The following MAGI2 variants were observed in gnomAD, a reference collection of about 807,000 sequenced individuals.
MAGI2 encodes the protein membrane-associated guanylate kinase, WW and PDZ domain-containing protein 2.
In MAGI2, 35 loss-of-function variants were observed where a neutral mutation model predicts 133.3. That is an observed-to-expected ratio of 0.26 (90% confidence interval 0.20 to 0.35). The LOEUF is 0.35. MAGI2 is among the 10% of genes least tolerant of loss of function. The pLI, the probability that MAGI2 is intolerant of heterozygous loss-of-function variation, is 1.00. For missense variants in MAGI2, 1,636 were observed against 1,863.4 expected (o/e 0.88, Z 2.25); for synonymous variants, 729 against 710.6 (o/e 1.03, Z -0.41).
At chr7:78,776,597 T>G (rs1022431721) in intron 2 of MAGI2, among the ~76,000 whole-genome samples, 1 of 152,264 alleles carries the variant, frequency 6.6e-6, no homozygotes, top group Non-Finnish European at 1.5e-5. Flanking sequence ...CCATGGAACA[T>G]TTCTGCACAT....
chr7:79,321,880 G>C (rs1020097792), intron 1 of MAGI2, among the ~76,000 whole-genome samples: 1 of 152,128 alleles, frequency 6.6e-6, no homozygotes, highest in Non-Finnish European at 1.5e-5. Context: ...CCAATTATCA[G>C]TGGAGACTGA....
intron 2 of MAGI2, among the ~76,000 whole-genome samples, chr7:78,886,507 A>G (rs1026738151): frequency 6.6e-6 from 1 of 152,180 alleles, no homozygotes; most frequent in Admixed American, 6.5e-5. Flanking sequence ...GTGCTGAGCC[A>G]TGTCTCCACA....
At chr7:78,923,448 G>A (rs961061692) in intron 2 of MAGI2, among the ~76,000 whole-genome samples, 6 of 152,104 alleles carry the variant, frequency 3.9e-5, no homozygotes, top group Non-Finnish European at 7.4e-5. Context: ...TATTAAATAG[G>A]GAATCCTTTC....
At chr7:78,113,584 T>C (rs1278664770) in intron 20 of MAGI2, among the ~76,000 whole-genome samples, 1 of 152,220 alleles carries the variant, frequency 6.6e-6, no homozygotes, top group Non-Finnish European at 1.5e-5. Context: ...CAGTATTCAG[T>C]ACAATAACAT....
Position 78,075,272 on chromosome 7 carries a change from G to C in MAGI2, c.3706+3675C>G, listed in dbSNP as rs146911652. The stretch of plus-strand genomic sequence containing the variant: ...GTGTTCTGGGTGACACCTTGTGTGA[G>C]AGAGACAGCATATGGAAGCCTGCAT... On this transcript the variant is annotated intron_variant, in intron 21 of 21. Transcript: ENST00000354212. Among the ~76,000 whole-genome samples, 26 of 152,188 alleles carry C rather than the reference G, an allele frequency of 1.7e-4. 1 individual carries two copies. In the East Asian group the frequency reaches 5.0e-3, roughly 29 times the overall value.
chr7:79,151,357 G>A (rs1276466116), intron 1 of MAGI2, among the ~76,000 whole-genome samples: 1 of 152,056 alleles, frequency 6.6e-6, no homozygotes, highest in Non-Finnish European at 1.5e-5. Flanking sequence ...CATATCTAAC[G>A]ATGGAGCCCT....
chr7:78,554,371 C>T (rs932892514), intron 3 of MAGI2, among the ~76,000 whole-genome samples: 1 of 152,156 alleles, frequency 6.6e-6, no homozygotes, highest in Non-Finnish European at 1.5e-5. Flanking sequence ...TATTTGTGAA[C>T]CTTACATAAA....
At chr7:78,523,102 G>A (rs1041273211) in intron 3 of MAGI2, among the ~76,000 whole-genome samples, 1 of 152,166 alleles carries the variant, frequency 6.6e-6, no homozygotes. Flanking sequence ...CTGGGTAAAA[G>A]GTGTGCTGTG....
intron 1 of MAGI2, among the ~76,000 whole-genome samples, chr7:79,241,756 A>G (rs1210899531): frequency 6.6e-6 from 1 of 152,142 alleles, no homozygotes; most frequent in Non-Finnish European, 1.5e-5. Flanking sequence ...AACTGATCCT[A>G]TAGATAACAT....
intron 21 of MAGI2, among the ~76,000 whole-genome samples, chr7:78,042,564 G>C (rs1013595095): frequency 3.5e-4 from 54 of 152,236 alleles, no homozygotes; most frequent in African/African-American, 1.2e-3. Flanking sequence ...CCCTGACCAA[G>C]CAGGTCACCT....
intron 10 of MAGI2, among the ~76,000 whole-genome samples, chr7:78,238,643 A>T (rs1790809140): frequency 1.3e-5 from 2 of 151,894 alleles, no homozygotes; most frequent in Admixed American, 6.6e-5. Flanking sequence ...TTCTTACCTC[A>T]TCCACTCCTA....
intron 2 of MAGI2, among the ~76,000 whole-genome samples, chr7:78,753,889 A>C (rs1198465988): frequency 6.9e-6 from 1 of 144,708 alleles, no homozygotes; most frequent in Non-Finnish European, 1.6e-5. Context: ...CGGGTGATAG[A>C]AAAAACTCTA....
At chr7:79,441,923 T>TA (rs1848521659) in intron 1 of MAGI2, among the ~76,000 whole-genome samples, 1 of 152,086 alleles carries the variant, frequency 6.6e-6, no homozygotes, top group Non-Finnish European at 1.5e-5. Context: ...TTTAAACCAA[T>TA]AAAAATGTAA....
intron 2 of MAGI2, among the ~76,000 whole-genome samples, chr7:78,875,522 T>C (rs73143070): frequency 0.063 from 9,567 of 152,310 alleles, 369 homozygotes; most frequent in Middle Eastern, 0.1. Flanking sequence ...GACTATCAGC[T>C]ACTGCATACC....
chr7:79,319,067 ATC>A (rs1563110950), intron 1 of MAGI2, among the ~76,000 whole-genome samples: 1 of 152,198 alleles, frequency 6.6e-6, no homozygotes, highest in East Asian at 1.9e-4. Context: ...ATCTATTGGT[ATC>A]TCAGCGTCTG....
At chr7:78,284,766 G>A (rs891630629) in intron 9 of MAGI2, among the ~76,000 whole-genome samples, 1 of 152,000 alleles carries the variant, frequency 6.6e-6, no homozygotes. Context: ...AGAATCAGCC[G>A]CTAGTGTGTC....
Position 78,876,132 on chromosome 7 carries a change from C to A in MAGI2, c.418+130958G>T, listed in dbSNP as rs372328454. Among the ~76,000 whole-genome samples, 3 of 151,892 alleles carry A rather than the reference C, an allele frequency of 2.0e-5. No homozygotes were observed. In the South Asian group the frequency reaches 6.2e-4, roughly 32 times the overall value. The stretch of plus-strand genomic sequence containing the variant: ...GGTCAGGAGTTCAAGACCAGCCTGG[C>A]CAACATGGTGAAACCCTGTCTCTAC... On this transcript the variant is annotated intron_variant, in intron 2 of 21. Transcript: ENST00000354212.
chr7:78,503,156 T>C (rs960407497), intron 4 of MAGI2, among the ~76,000 whole-genome samples: 6 of 152,112 alleles, frequency 3.9e-5, no homozygotes, highest in East Asian at 1.9e-4. Context: ...AAAAAAGATA[T>C]AGTAATCCAA....
At chr7:78,434,889 C>A (rs1221121583) in intron 6 of MAGI2, among the ~76,000 whole-genome samples, 1 of 152,130 alleles carries the variant, frequency 6.6e-6, no homozygotes, top group South Asian at 2.1e-4. Flanking sequence ...CCACTCCATC[C>A]TATGAGGGAG....
Sources: gnomAD v4.1 joint callset for allele counts (sites outside exome capture counted in the v4.1 genomes callset) on GRCh38, gnomAD v4.1.1 for gene constraint, MANE v1.5 for transcripts, NCBI Gene and HGNC (gene_info 2026-07-23, HGNC 2026-07-21) for gene names.